PCDH15: variants seen among roughly 807,000 people sequenced by gnomAD.
The protein encoded by PCDH15 is protocadherin-15.
In PCDH15, 129 loss-of-function variants were observed where a neutral mutation model predicts 178.5. That is an observed-to-expected ratio of 0.72 (90% confidence interval 0.63 to 0.84). PCDH15 has a LOEUF of 0.84. Among genes scored for constraint, PCDH15 ranks in the 40% least tolerant of loss-of-function variants. PCDH15 has a pLI of 0.00. For missense variants in PCDH15, 2,230 were observed against 2,099.9 expected, an observed-to-expected ratio of 1.06 and a Z score of -1.21; for synonymous variants, 800 against 732.0, an observed-to-expected ratio of 1.09 and a Z score of -1.50.
At chr10:54,467,299 A>G (rs891159431) in intron 3 of PCDH15, among the ~76,000 whole-genome samples, 1 of 151,810 alleles carries the variant, frequency 6.6e-6, no homozygotes, top group Non-Finnish European at 1.5e-5. Flanking sequence ...AGTTTTTCAC[A>G]TATGGCCTTT....
rs573621900 is a variant in PCDH15, at chr10:54,747,285, A to T, written c.-29+53640T>A. 1.2e-3 allele frequency among the ~76,000 whole-genome samples: 186 copies of T among 152,342 alleles called. 1 individual carries two copies. The highest frequency in any genetic ancestry group is 2.1e-3 in the Non-Finnish European group (145 of 68,036). Reference sequence around the variant, plus strand: ...CACTGGTCAACTTTGCAAAAAGATCATTCTAATCACAGCAGTCTCAGGTCT... The same window carrying T: ...CACTGGTCAACTTTGCAAAAAGATCTTTCTAATCACAGCAGTCTCAGGTCT... On this transcript the variant is annotated intron_variant, in intron 1 of 37. Coordinates refer to ENST00000644397, the MANE Select transcript of PCDH15 (RefSeq NM_001384140.1).
At chr10:55,503,231 A>G (rs1218186515) in intron 2 of PCDH15, among the ~76,000 whole-genome samples, 5 of 151,150 alleles carry the variant, frequency 3.3e-5, no homozygotes, top group African/African-American at 1.2e-4. Flanking sequence ...AAGTTTTACA[A>G]TTAACAAAGA....
At position 53,831,482 on chromosome 10, in the gene PCDH15, A is replaced by G. The variant is rs1057520678; in HGVS notation, c.4035T>C (p.Tyr1345=). ...TCTCCAGAATGCGTCCTCCTTCCCC[A>G]TAATACGGCTGAAAGTCTTTATTGA... ...LDINKDFQPY[Y]GEGGRILEIR... is the part of the protein sequence containing the mutation. The change falls in exon 30 of 38, where the codon TAT becomes TAC. Residue 1345 remains tyrosine, a synonymous_variant. Transcript: ENST00000644397. 2 of 1,614,050 alleles carry G rather than the reference A, an allele frequency of 1.2e-6. No individual in the cohort carries two copies. The highest frequency in any genetic ancestry group is 2.7e-5 in the African/African-American group (2 of 74,938).
chr10:54,980,265 A>T (rs1273764436), intron 2 of PCDH15, among the ~76,000 whole-genome samples: 1 of 152,226 alleles, frequency 6.6e-6, no homozygotes, highest in Non-Finnish European at 1.5e-5. Flanking sequence ...CACAAAGCCA[A>T]TTAGCGTGCT....
At chr10:53,908,409 T>A (rs956307307) in intron 25 of PCDH15, among the ~76,000 whole-genome samples, 3 of 152,242 alleles carry the variant, frequency 2.0e-5, no homozygotes, top group Non-Finnish European at 4.4e-5. Context: ...TCCATCTGCA[T>A]GCACATGCCT....
chr10:54,550,291 T>C (rs2086406944), intron 2 of PCDH15, among the ~76,000 whole-genome samples: 1 of 152,224 alleles, frequency 6.6e-6, no homozygotes, highest in Non-Finnish European at 1.5e-5. Flanking sequence ...CTGTTATTCT[T>C]ACAACTTCCA....
chr10:53,905,696 C>T (rs1000425799), intron 25 of PCDH15, among the ~76,000 whole-genome samples: 2 of 152,030 alleles, frequency 1.3e-5, no homozygotes, highest in Non-Finnish European at 1.5e-5. Context: ...ATACTTTGTG[C>T]ATATAAGTTT....
chr10:53,993,762 AG>A (rs2091674696), intron 21 of PCDH15, among the ~76,000 whole-genome samples: 1 of 152,162 alleles, frequency 6.6e-6, no homozygotes, highest in South Asian at 2.1e-4. Flanking sequence ...TGCTCACTTA[AG>A]GGTCCCAGTT....
intron 18 of PCDH15, among the ~76,000 whole-genome samples, chr10:54,052,534 A>G (rs2093799646): frequency 6.6e-6 from 1 of 152,158 alleles, no homozygotes; most frequent in Admixed American, 6.5e-5. Flanking sequence ...GCATGTGTTT[A>G]TCCTACGCCT....
At chr10:53,838,976 G>C (rs536951432) in intron 29 of PCDH15, among the ~76,000 whole-genome samples, 1 of 151,986 alleles carries the variant, frequency 6.6e-6, no homozygotes, top group Admixed American at 6.6e-5. Flanking sequence ...ATGCCAAGGC[G>C]GGCGGATCAC....
chr10:54,308,581 G>A (rs1330530991), intron 8 of PCDH15, among the ~76,000 whole-genome samples: 2 of 151,954 alleles, frequency 1.3e-5, no homozygotes, highest in Non-Finnish European at 1.5e-5. Context: ...AATACATTTT[G>A]ACCAATGATA....
At chr10:55,234,684 A>T (rs911582873) in intron 1 of PCDH15, among the ~76,000 whole-genome samples, 1 of 152,032 alleles carries the variant, frequency 6.6e-6, no homozygotes, top group African/African-American at 2.4e-5. Context: ...CCTAGCCAAG[A>T]TTTGTTATTT....
At chr10:54,430,113 C>T (rs1038739943) in intron 3 of PCDH15, among the ~76,000 whole-genome samples, 1 of 137,088 alleles carries the variant, frequency 7.3e-6, no homozygotes, top group African/African-American at 2.8e-5. Flanking sequence ...TGGAGTGCAA[C>T]TGTGTGATCT....
At chr10:54,866,762 T>TA (rs1346324784) in intron 3 of PCDH15, among the ~76,000 whole-genome samples, 8 of 142,118 alleles carry the variant, frequency 5.6e-5, no homozygotes, top group African/African-American at 2.1e-4. Flanking sequence ...CTAAATAGAA[T>TA]AAAAAATGCA....
chr10:54,382,662 T>C (rs1949385986), intron 3 of PCDH15, among the ~76,000 whole-genome samples: 2 of 152,130 alleles, frequency 1.3e-5, no homozygotes, highest in Non-Finnish European at 1.5e-5. Context: ...GTGTTCTGAG[T>C]CCATAAGGAA....
intron 3 of PCDH15, among the ~76,000 whole-genome samples, chr10:54,853,061 G>A (rs566143425): frequency 2.9e-4 from 44 of 150,752 alleles, no homozygotes; most frequent in African/African-American, 9.0e-4. Context: ...GGGAGTTAGA[G>A]ACCAGCCTGA....
chr10:54,168,680 T>C (rs1422110295), intron 13 of PCDH15, among the ~76,000 whole-genome samples: 1 of 152,116 alleles, frequency 6.6e-6, no homozygotes, highest in Non-Finnish European at 1.5e-5. Flanking sequence ...TTTCATCAAA[T>C]ATAAAAATCC....
chr10:54,260,679 C>A (rs2057252349), intron 8 of PCDH15, among the ~76,000 whole-genome samples: 1 of 152,090 alleles, frequency 6.6e-6, no homozygotes, highest in Non-Finnish European at 1.5e-5. Flanking sequence ...CTCCCCGGTT[C>A]AAGCGATTCT....
At chr10:54,408,202 T>C (rs1046700190) in intron 3 of PCDH15, among the ~76,000 whole-genome samples, 10 of 152,036 alleles carry the variant, frequency 6.6e-5, no homozygotes, top group Non-Finnish European at 1.3e-4. Context: ...GCTTTCTCTC[T>C]ATATAGAACT....
Sources: gnomAD v4.1 joint callset for allele counts (sites outside exome capture counted in the v4.1 genomes callset) on GRCh38, gnomAD v4.1.1 for gene constraint, MANE v1.5 for transcripts, NCBI Gene and HGNC (gene_info 2026-07-23, HGNC 2026-07-21) for gene names.